Variants in SORCS2 observed in about 807,000 individuals in gnomAD.
The protein encoded by SORCS2 is VPS10 domain-containing receptor SorCS2.
In SORCS2, 100 loss-of-function variants were observed where a neutral mutation model predicts 141.6. That is an observed-to-expected ratio of 0.71 (90% CI 0.60 to 0.83). The LOEUF is 0.83. Among genes scored for constraint, SORCS2 ranks in the 40% least tolerant of loss-of-function variants. The probability of loss-of-function intolerance (pLI) is 0.00; values close to 1 mark genes in which losing one functional copy is unlikely to be tolerated. For missense variants in SORCS2, 1,646 were observed against 1,560.2 expected, an observed-to-expected ratio of 1.05 and a Z score of -0.93; for synonymous variants, 789 against 676.9, an observed-to-expected ratio of 1.17 and a Z score of -2.57.
At chr4:7,579,621 T>C (rs1461096787) in intron 3 of SORCS2, among the ~76,000 whole-genome samples, 1 of 152,146 alleles carries the variant, frequency 6.6e-6, no homozygotes, top group African/African-American at 2.4e-5. Context: ...CAGTAAGACA[T>C]GGAATCAAGC....
chr4:7,527,941 C>G (rs1323147662), intron 2 of SORCS2, among the ~76,000 whole-genome samples: 2 of 152,122 alleles, frequency 1.3e-5, no homozygotes. Context: ...TTGATGTTCC[C>G]CTTAGCGTCT....
At chr4:7,290,414 AC>A (rs1377530153) in intron 1 of SORCS2, among the ~76,000 whole-genome samples, 1 of 152,076 alleles carries the variant, frequency 6.6e-6, no homozygotes, top group Non-Finnish European at 1.5e-5. Context: ...TGTCCCCCAG[AC>A]CCAGGGTCTT....
chr4:7,262,296 AT>A, intron 1 of SORCS2, among the ~76,000 whole-genome samples: 1 of 151,184 alleles, frequency 6.6e-6, no homozygotes, highest in Non-Finnish European at 1.5e-5. Flanking sequence ...CCACCCACCC[AT>A]CCATCCATCC....
At chr4:7,258,119 C>A (rs1044713289) in intron 1 of SORCS2, among the ~76,000 whole-genome samples, 4 of 152,214 alleles carry the variant, frequency 2.6e-5, no homozygotes, top group Non-Finnish European at 4.4e-5. Flanking sequence ...CTGTCCACAC[C>A]TCTGTGATTA....
intron 8 of SORCS2, among the ~76,000 whole-genome samples, chr4:7,672,504 C>G (rs1722859418): frequency 6.6e-6 from 1 of 152,084 alleles, no homozygotes; most frequent in African/African-American, 2.4e-5. Context: ...TAAACTTTTC[C>G]AAAATTACTC....
intron 1 of SORCS2, among the ~76,000 whole-genome samples, chr4:7,230,509 A>T (rs1341997910): frequency 9.7e-5 from 13 of 133,366 alleles, no homozygotes; most frequent in East Asian, 2.4e-4. Flanking sequence ...TCATGTATGA[A>T]GGAGATGAAG....
intron 4 of SORCS2, among the ~76,000 whole-genome samples, chr4:7,652,564 C>T (rs1185858467): frequency 1.3e-5 from 2 of 152,172 alleles, no homozygotes; most frequent in Non-Finnish European, 2.9e-5. Context: ...GCCCCATTCA[C>T]TCCTCCCAGG....
intron 1 of SORCS2, among the ~76,000 whole-genome samples, chr4:7,215,073 T>C (rs1728249067): frequency 6.6e-6 from 1 of 152,146 alleles, no homozygotes; most frequent in Non-Finnish European, 1.5e-5. Context: ...TGGGAGCCCC[T>C]TCCTGGGCTG....
At chr4:7,704,381 G>C (rs1725283488) in intron 14 of SORCS2, 97 bp downstream of exon 14, 1 of 1,116,174 alleles carries the variant, frequency 9.0e-7, no homozygotes, top group Non-Finnish European at 1.3e-6. Flanking sequence ...AGCCACCTGG[G>C]AATCAGGGAC....
At chr4:7,564,749 C>G (rs1182515911) in intron 3 of SORCS2, among the ~76,000 whole-genome samples, 2 of 152,228 alleles carry the variant, frequency 1.3e-5, no homozygotes, top group Admixed American at 6.5e-5. Flanking sequence ...AAAAGCTCTA[C>G]AGAAGACAGG....
chr4:7,322,070 G>A (rs958546774), intron 1 of SORCS2, among the ~76,000 whole-genome samples: 1 of 152,300 alleles, frequency 6.6e-6, no homozygotes, highest in Non-Finnish European at 1.5e-5. Context: ...GAGGCTCGTA[G>A]AGGGCCTCTG....
At chr4:7,600,652 TATATACACACACAC>T (rs1560416884) in intron 3 of SORCS2, among the ~76,000 whole-genome samples, 3 of 96,232 alleles carry the variant, frequency 3.1e-5, no homozygotes, top group African/African-American at 7.7e-5. Context: ...TATACATATA[TATATACACACACAC>T]ACACACACAC....
intron 1 of SORCS2, among the ~76,000 whole-genome samples, chr4:7,324,184 C>T (rs995771836): frequency 3.9e-5 from 6 of 152,346 alleles, no homozygotes; most frequent in African/African-American, 7.2e-5. Flanking sequence ...CAGGCTGCCT[C>T]GGCAGCCTCC....
intron 2 of SORCS2, among the ~76,000 whole-genome samples, chr4:7,441,543 C>A (rs1267618822): frequency 6.6e-6 from 1 of 151,914 alleles, no homozygotes; most frequent in African/African-American, 2.4e-5. Context: ...CTTGCCATAA[C>A]CCCTTTCCAC....
intron 8 of SORCS2, among the ~76,000 whole-genome samples, chr4:7,675,168 T>G (rs904174018): frequency 1.5e-4 from 23 of 152,240 alleles, no homozygotes; most frequent in Non-Finnish European, 2.6e-4. Flanking sequence ...TTCCTTTTTA[T>G]TCTTTTGGGT....
chr4:7,397,733 G>GT (rs1420052118), intron 2 of SORCS2, among the ~76,000 whole-genome samples: 1 of 152,210 alleles, frequency 6.6e-6, no homozygotes, highest in East Asian at 1.9e-4. Context: ...CTTTGAAAAT[G>GT]TATGTTCCAA....
Position 7,654,345 on chromosome 4 carries a change from G to A in SORCS2, c.887+138G>A, listed in dbSNP as rs373979113. ...CCCATCCCGGGGCTGGGTCCCCACC[G>A]TCCACTGCCTCTGCCTGCAGCCCCA... On this transcript the variant is annotated intron_variant, in intron 5 of 26. Transcript: ENST00000507866. 8.6e-4 allele frequency: 711 copies of A among 824,432 alleles called. 13 individuals are homozygous for A. The South Asian group carries it at 0.01, about 12-fold the overall frequency. 51.1% of individuals were successfully genotyped at this position (824,432 alleles called of 1,614,324 possible). A position where few individuals can be genotyped will look rare whatever the true frequency, so the allele number is the denominator to read the frequency against.
At chr4:7,446,886 T>A (rs1728037024) in intron 2 of SORCS2, among the ~76,000 whole-genome samples, 1 of 152,204 alleles carries the variant, frequency 6.6e-6, no homozygotes, top group South Asian at 2.1e-4. Flanking sequence ...GTTAGCCCCA[T>A]TTCCCATTGC....
chr4:7,278,559 C>G (rs1715663182), intron 1 of SORCS2, among the ~76,000 whole-genome samples: 1 of 152,220 alleles, frequency 6.6e-6, no homozygotes, highest in Non-Finnish European at 1.5e-5. Context: ...AAGGTGCCGG[C>G]TCTGCAGTGG....
Sources: allele counts gnomAD v4.1 joint callset (sites outside exome capture counted in the v4.1 genomes callset), GRCh38; gene constraint gnomAD v4.1.1; transcripts MANE v1.5; gene names NCBI Gene and HGNC (gene_info 2026-07-23, HGNC 2026-07-21).